The following RHOBTB1 variants were observed in gnomAD, a reference collection of about 807,000 sequenced individuals.
The protein encoded by RHOBTB1 is Rho related BTB domain containing 1.
A neutral mutation model predicts 71.6 loss-of-function variants in RHOBTB1; 40 were observed. The ratio of observed to expected loss-of-function variants is 0.56; its 90% CI spans 0.43 to 0.73. RHOBTB1 has a LOEUF of 0.73. Among genes scored for constraint, RHOBTB1 ranks in the 30% least tolerant of loss-of-function variants. The pLI is 0.00. For missense variants in RHOBTB1, 797 were observed against 894.0 expected, an observed-to-expected ratio of 0.89 and a Z score of 1.38; for synonymous variants, 319 against 334.9, an observed-to-expected ratio of 0.95 and a Z score of 0.52.
At chr10:60,934,937 G>A (rs1213733332) in intron 2 of RHOBTB1, among the ~76,000 whole-genome samples, 4 of 152,150 alleles carry the variant, frequency 2.6e-5, no homozygotes, top group Non-Finnish European at 4.4e-5. Context: ...TGTTATATGA[G>A]ACATAGAGAG....
intron 2 of RHOBTB1, among the ~76,000 whole-genome samples, chr10:60,966,742 G>A (rs901199050): frequency 1.1e-4 from 17 of 150,936 alleles, no homozygotes; most frequent in African/African-American, 4.1e-4. Context: ...CAACGTGCAG[G>A]TTTGTTACAT....
chr10:60,987,640 GT>G (rs2086710992), intron 1 of RHOBTB1, among the ~76,000 whole-genome samples: 1 of 152,004 alleles, frequency 6.6e-6, no homozygotes, highest in African/African-American at 2.4e-5. Flanking sequence ...CATTTCCCAG[GT>G]TTCCGGGTGC....
At chr10:60,904,526 TG>T (rs2082565953) in intron 4 of RHOBTB1, among the ~76,000 whole-genome samples, 2 of 152,314 alleles carry the variant, frequency 1.3e-5, no homozygotes, top group African/African-American at 4.8e-5. Flanking sequence ...TCACACAGTA[TG>T]TGCTCTTTTT....
At chr10:60,910,713 T>C (rs761960412) in intron 4 of RHOBTB1, among the ~76,000 whole-genome samples, 174 bp downstream of exon 4, 1 of 152,218 alleles carries the variant, frequency 6.6e-6, no homozygotes, top group Non-Finnish European at 1.5e-5. Context: ...GCTTCTTTTC[T>C]TGACATCAGG....
chr10:60,901,045 G>A (rs2082392344), intron 4 of RHOBTB1, among the ~76,000 whole-genome samples: 1 of 152,210 alleles, frequency 6.6e-6, no homozygotes, highest in Non-Finnish European at 1.5e-5. Context: ...TTCCAGGTAA[G>A]TTACAACAGA....
chr10:60,905,800 G>A lies in RHOBTB1; in HGVS notation c.296+5087C>T, dbSNP rs57527631. On this transcript the variant is annotated intron_variant, in intron 4 of 10. Coordinates refer to ENST00000337910, the MANE Select transcript of RHOBTB1 (RefSeq NM_014836.5). The stretch of plus-strand genomic sequence containing the variant: ...TTAGAATGTGCTATGAACATTAAGA[G>A]CTAACTCAAAATGCTGTATCTAGAC... Among the ~76,000 whole-genome samples the A allele has an allele frequency of 4.1e-3, 620 of 152,194 alleles. 2 individuals are homozygous for A. Among genetic ancestry groups the A allele is most frequent in the African/African-American group, 0.014 (588 of 41,524 alleles).
Position 60,871,529 on chromosome 10 carries a change from A to C in RHOBTB1, c.2044T>G (p.Ser682Ala). ...TTCCAGAAGCACCACTTTCGTCTTG[A>C]GCGATGCTTATTTAGTGCAATATCT... is the stretch of plus-strand genomic sequence containing the variant. The part of the protein sequence containing the change: ...KEDIALNKHR[S>A]RRKWCFWNSS... The change falls in exon 11 of 11, where the codon TCA (serine) becomes GCA (alanine). Residue 682 changes from serine (S) to alanine (A), a missense_variant. Ser to Ala is a moderately conservative substitution (Grantham distance 99, BLOSUM62 1). Around this residue, in one of 2 missense-constraint regions of RHOBTB1, gnomAD observed 658 missense variants for 681.5 expected, o/e 0.97. Transcript: ENST00000337910. 1 of 1,613,822 alleles carries C rather than the reference A, an allele frequency of 6.2e-7. No homozygotes were observed. The highest frequency in any genetic ancestry group is 8.5e-7 in the Non-Finnish European group (1 of 1,179,962).
intron 6 of RHOBTB1, among the ~76,000 whole-genome samples, chr10:60,887,585 A>G (rs896522873): frequency 2.0e-5 from 3 of 152,246 alleles, no homozygotes; most frequent in Admixed American, 6.5e-5. Context: ...TATCAAAGGC[A>G]AAGGAGGTGC....
At chr10:60,931,192 C>T (rs148944036) in intron 2 of RHOBTB1, among the ~76,000 whole-genome samples, 144 of 152,246 alleles carry the variant, frequency 9.5e-4, no homozygotes, top group African/African-American at 3.2e-3. Context: ...ATAAAATCCA[C>T]GTGCTACACA....
At chr10:60,964,290 G>T (rs565206433) in intron 2 of RHOBTB1, among the ~76,000 whole-genome samples, 97 of 152,180 alleles carry the variant, frequency 6.4e-4, no homozygotes, top group African/African-American at 2.3e-3. Context: ...GAAGGTTGGC[G>T]CCAGAGAGGA....
chr10:60,927,554 A>T (rs1049689636), intron 2 of RHOBTB1, among the ~76,000 whole-genome samples: 1 of 152,212 alleles, frequency 6.6e-6, no homozygotes, highest in Non-Finnish European at 1.5e-5. Flanking sequence ...CCCAGAAAAA[A>T]ATTCCCACAT....
intron 2 of RHOBTB1, among the ~76,000 whole-genome samples, chr10:60,919,183 C>T (rs745336339): frequency 3.3e-5 from 5 of 152,174 alleles, no homozygotes; most frequent in Non-Finnish European, 7.3e-5. Context: ...TGCACGGACA[C>T]TACATTTTCT....
At chr10:60,937,444 A>G (rs1193893869) in intron 2 of RHOBTB1, among the ~76,000 whole-genome samples, 1 of 152,194 alleles carries the variant, frequency 6.6e-6, no homozygotes, top group Non-Finnish European at 1.5e-5. Flanking sequence ...AAAATTTTCT[A>G]CTGGCAATAA....
rs9665346 is a variant in RHOBTB1, at chr10:60,886,144, C to T, written c.1543G>A (p.Gly515Arg). ...CSCEWMAAMF[G>R]GSFVESANSE... Reference sequence around the variant, plus strand: ...TTGGCACTTTCCACAAATGACCCCCCGAACATGGCTGCCATCCACTCACAG... The same window carrying T: ...TTGGCACTTTCCACAAATGACCCCCTGAACATGGCTGCCATCCACTCACAG... Residue 515 changes from glycine to arginine, a missense_variant, in exon 7 of 11, where the codon GGG becomes AGG. Coordinates refer to ENST00000337910, the MANE Select transcript of RHOBTB1 (RefSeq NM_014836.5). The T allele has an allele frequency of 2.8e-4, 451 of 1,614,060 alleles. No individual in the cohort carries two copies. The African/African-American group carries it at 4.1e-3, about 15-fold the overall frequency.
Position 60,888,644 on chromosome 10 carries a change from G to A in RHOBTB1, c.1024C>T (p.Gln342Ter), listed in dbSNP as rs1186151916. 6.2e-7 allele frequency: 1 copy of A among 1,614,180 alleles called. No homozygotes were observed. The highest frequency in any genetic ancestry group is 1.7e-5 in the Admixed American group (1 of 60,032). Residue 342 changes from glutamine (Q) to a stop codon, truncating the protein, a stop_gained, in exon 6 of 11, where the codon CAG (glutamine) becomes TAG (stop). Coordinates refer to ENST00000337910, the MANE Select transcript of RHOBTB1 (RefSeq NM_014836.5). LOFTEE classifies it high-confidence loss of function. ...TTTGAAGACTTCCACTGGTCGGCCT[G>A]AGGAATCCTAGGCGGGCCCTCCTCC... ...EREEGPPRIP[Q>*]ADQWKSSNKS...
In RHOBTB1 at chr10:60,888,264, G is replaced by C; in HGVS notation, c.1404C>G (p.His468Gln). The change falls in exon 6 of 11, where the codon CAC becomes CAG. Residue 468 changes from histidine (H) to glutamine (Q), a missense_variant. Physicochemically the swap from His to Gln is conservative, Grantham distance 24. Transcript: ENST00000337910. ...CTTTTATCCGATTGGCTTTCCTTAC[G>C]TGAAAGGCTTTCGTAATCTCCTGGT... ...FMNQEITKAF[H>Q]VRKANRIKEC... The C allele has an allele frequency of 6.2e-7, 1 of 1,613,922 alleles. No homozygotes were observed. Among genetic ancestry groups the C allele is most frequent in the Non-Finnish European group, 8.5e-7 (1 of 1,179,970 alleles).
At chr10:60,885,115 A>G (rs549144873) in intron 7 of RHOBTB1, among the ~76,000 whole-genome samples, 1 of 152,154 alleles carries the variant, frequency 6.6e-6, no homozygotes, top group African/African-American at 2.4e-5. Flanking sequence ...ATTGCACAGT[A>G]TGGTGACTAT....
chr10:60,866,500 G>T (rs2080635869), downstream of RHOBTB1, among the ~76,000 whole-genome samples: 2 of 152,218 alleles, frequency 1.3e-5, no homozygotes, highest in African/African-American at 2.4e-5. Context: ...TATAAAAAGA[G>T]AGGGCCTTGC....
chr10:60,888,665 C>T lies in RHOBTB1; in HGVS notation c.1003G>A (p.Glu335Lys). 6.2e-7 allele frequency: 1 copy of T among 1,614,232 alleles called. No individual in the cohort carries two copies. The highest frequency in any genetic ancestry group is 8.5e-7 in the Non-Finnish European group (1 of 1,180,044). ...GCCTGAGGAATCCTAGGCGGGCCCTCCTCCCTTTCTTCCTCTGGGTCGACA... is the reference window on the plus strand; with the variant it reads ...GCCTGAGGAATCCTAGGCGGGCCCTTCTCCCTTTCTTCCTCTGGGTCGACA... ...LSVDPEEEREEGPPRIPQADQ... is the reference protein window; with the variant it reads ...LSVDPEEEREKGPPRIPQADQ... The change falls in exon 6 of 11, where the codon GAG becomes AAG. Residue 335 changes from glutamate (E) to lysine (K), a missense_variant. Physicochemically the swap from Glu to Lys is moderately conservative, Grantham distance 56. Coordinates refer to ENST00000337910, the MANE Select transcript of RHOBTB1 (RefSeq NM_014836.5).
Sources: gnomAD v4.1 joint callset for allele counts (sites outside exome capture counted in the v4.1 genomes callset) on GRCh38, gnomAD v4.1.1 for gene constraint, gnomAD v4.1.1 regional missense constraint, MANE v1.5 for transcripts, NCBI Gene and HGNC (gene_info 2026-07-23, HGNC 2026-07-21) for gene names.